VIT: variants seen among roughly 807,000 people sequenced by gnomAD.
VIT encodes the protein vitrin.
A neutral mutation model predicts 78.0 loss-of-function variants in VIT; 99 were observed. The ratio of observed to expected loss-of-function variants is 1.27; its 90% CI spans 1.08 to 1.50. The LOEUF (loss-of-function observed/expected upper bound fraction) is 1.50, where lower values mean the gene tolerates loss of function less well. Ranked by LOEUF, VIT falls within the 40% of genes most tolerant of loss-of-function variation. The pLI, the probability that VIT is intolerant of heterozygous loss-of-function variation, is 0.00. For synonymous variants in VIT, 374 were observed against 334.3 expected, an observed-to-expected ratio of 1.12 and a Z score of -1.29; for missense variants, 1,126 against 875.3, an observed-to-expected ratio of 1.29 and a Z score of -3.61.
chr2:36,799,856 T>A (rs1412609457), intron 12 of VIT, among the ~76,000 whole-genome samples: 3 of 151,814 alleles, frequency 2.0e-5, no homozygotes, highest in Non-Finnish European at 2.9e-5. Flanking sequence ...GAGACCAGCC[T>A]GGCCAACATG....
intron 1 of VIT, among the ~76,000 whole-genome samples, chr2:36,699,335 T>C (rs901894036): frequency 6.6e-6 from 1 of 152,120 alleles, no homozygotes; most frequent in Non-Finnish European, 1.5e-5. Context: ...AGTGTCAAAA[T>C]GTGGCCAGGA....
At chr2:36,736,076 G>A (rs1667493930) in intron 3 of VIT, among the ~76,000 whole-genome samples, 1 of 152,124 alleles carries the variant, frequency 6.6e-6, no homozygotes, top group African/African-American at 2.4e-5. Flanking sequence ...ACATTTTCAA[G>A]GCTCTCATTT....
chr2:36,751,416 T>C (rs1668456012), intron 4 of VIT, among the ~76,000 whole-genome samples: 1 of 152,092 alleles, frequency 6.6e-6, no homozygotes, highest in Admixed American at 6.5e-5. Context: ...AATAAATTCC[T>C]AGTTAGATCC....
At chr2:36,804,963 C>A (rs545896514) in intron 13 of VIT, among the ~76,000 whole-genome samples, 1 of 152,074 alleles carries the variant, frequency 6.6e-6, no homozygotes, top group African/African-American at 2.4e-5. Flanking sequence ...TGTGAACGTA[C>A]TTAATGCCAC....
chr2:36,795,340 G>A (rs1306256579), intron 12 of VIT, among the ~76,000 whole-genome samples: 1 of 150,570 alleles, frequency 6.6e-6, no homozygotes. Context: ...ACAACACTCT[G>A]CCTTATTTTA....
At chr2:36,775,653 C>A (rs192970964) in intron 9 of VIT, among the ~76,000 whole-genome samples, 2 of 152,280 alleles carry the variant, frequency 1.3e-5, no homozygotes, top group Admixed American at 1.3e-4. Flanking sequence ...CTGTCTCGAC[C>A]CACACAGATG....
chr2:36,755,036 G>T lies in VIT; in HGVS notation c.391G>T (p.Glu131Ter). 2 of 1,614,140 alleles carry T rather than the reference G, an allele frequency of 1.2e-6. No homozygotes were observed. Among genetic ancestry groups the T allele is most frequent in the East Asian group, 4.5e-5 (2 of 44,868 alleles). ...VQSLSLPRWR[E>*]SFIVLESKPK... is the part of the protein sequence containing the mutation. The stretch of plus-strand genomic sequence containing the variant: ...ATCGTTATCCCTACCACGATGGAGA[G>T]AATCCTTTATCGTCTTAGGTATGAC... Residue 131 changes from glutamate (E) to a stop codon, truncating the protein, a stop_gained, in exon 5 of 16, where the codon GAA becomes TAA. Coordinates refer to ENST00000379242, the MANE Select transcript of VIT (RefSeq NM_053276.4). LOFTEE classifies it high-confidence loss of function.
chr2:36,765,190 C>T (rs1031109858), intron 6 of VIT, among the ~76,000 whole-genome samples: 2 of 152,098 alleles, frequency 1.3e-5, no homozygotes, highest in Non-Finnish European at 2.9e-5. Context: ...AATGCAATCA[C>T]TGGCATCTTT....
chr2:36,776,894 C>T (rs1670086600), intron 9 of VIT, among the ~76,000 whole-genome samples: 1 of 151,384 alleles, frequency 6.6e-6, no homozygotes, highest in Non-Finnish European at 1.5e-5. Flanking sequence ...TCGAGACCAT[C>T]CCGGCTAACA....
At chr2:36,737,862 A>G (rs1416379293) in intron 3 of VIT, among the ~76,000 whole-genome samples, 1 of 152,098 alleles carries the variant, frequency 6.6e-6, no homozygotes, top group Non-Finnish European at 1.5e-5. Context: ...CTCCACACAG[A>G]TTGGTTTGTG....
intron 1 of VIT, among the ~76,000 whole-genome samples, chr2:36,705,514 CT>C (rs1665362031): frequency 6.6e-6 from 1 of 152,124 alleles, no homozygotes; most frequent in African/African-American, 2.4e-5. Context: ...AAGGCTTTCC[CT>C]TTTTGGTTTT....
chr2:36,765,905 C>G (rs1288961476), intron 6 of VIT, among the ~76,000 whole-genome samples: 1 of 152,228 alleles, frequency 6.6e-6, no homozygotes, highest in Non-Finnish European at 1.5e-5. Flanking sequence ...TTTGTTACAG[C>G]AGCCCTAGCA....
At chr2:36,709,644 G>A (rs1665677485) in intron 1 of VIT, among the ~76,000 whole-genome samples, 3 of 152,184 alleles carry the variant, frequency 2.0e-5, no homozygotes, top group African/African-American at 7.2e-5. Flanking sequence ...CCCAGGAGCT[G>A]AAGCTTGAAA....
At chr2:36,770,890 G>A (rs897906889) in intron 7 of VIT, among the ~76,000 whole-genome samples, 2 of 152,178 alleles carry the variant, frequency 1.3e-5, no homozygotes, top group Admixed American at 6.5e-5. Flanking sequence ...GAAGAGCGCC[G>A]CCTAGTGGCA....
In VIT at chr2:36,783,771, T is replaced by C. The variant is rs1664917324; in HGVS notation, c.910+369T>C. ...GTGGAAATGAAGATAAATGGGCATA[T>C]TCAAGAGATACAGAGAAGGGAGAAT... On this transcript the variant is annotated intron_variant, in intron 11 of 15. Coordinates refer to ENST00000379242, the MANE Select transcript of VIT (RefSeq NM_053276.4). 3.3e-5 allele frequency among the ~76,000 whole-genome samples: 5 copies of C among 152,208 alleles called. No individual in the cohort carries two copies. The South Asian group carries it at 1.0e-3, about 32-fold the overall frequency.
chr2:36,796,543 A>C (rs1665915629), intron 12 of VIT, among the ~76,000 whole-genome samples: 1 of 152,252 alleles, frequency 6.6e-6, no homozygotes, highest in Non-Finnish European at 1.5e-5. Context: ...ACATCAACCC[A>C]GAACCTTAAT....
chr2:36,739,206 T>C (rs10490662), intron 3 of VIT, among the ~76,000 whole-genome samples: 15,025 of 152,174 alleles, frequency 0.099, 1,578 homozygotes, highest in East Asian at 0.26. Context: ...TTCTTCCTTA[T>C]TAACAGGCAT....
intron 2 of VIT, among the ~76,000 whole-genome samples, chr2:36,717,477 C>G (rs189638246): frequency 6.7e-6 from 1 of 150,358 alleles, no homozygotes; most frequent in Non-Finnish European, 1.5e-5. Flanking sequence ...ACCTTGTGAT[C>G]CTCCTGCCTC....
rs1323581560 is a variant in VIT, at chr2:36,767,293, G to A, written c.679+8G>A. 4 of 1,539,472 alleles carry A rather than the reference G, an allele frequency of 2.6e-6. No individual in the cohort carries two copies. Among genetic ancestry groups the A allele is most frequent in the East Asian group, 4.8e-5 (2 of 42,094 alleles). On this transcript the variant is annotated splice_region_variant and intron_variant, in intron 7 of 15. Coordinates refer to ENST00000379242, the MANE Select transcript of VIT (RefSeq NM_053276.4). Reference sequence around the variant, plus strand: ...ACAGGAGCCAGGAGATGGGTCAGTAGGTAGACCATGTGTTGCTTTGTGCTA... The same window carrying A: ...ACAGGAGCCAGGAGATGGGTCAGTAAGTAGACCATGTGTTGCTTTGTGCTA...
Sources: allele counts gnomAD v4.1 joint callset (sites outside exome capture counted in the v4.1 genomes callset), GRCh38; gene constraint gnomAD v4.1.1; transcripts MANE v1.5; gene names NCBI Gene and HGNC (gene_info 2026-07-23, HGNC 2026-07-21).